Variants in ZDHHC14 observed in about 807,000 individuals in gnomAD.
ZDHHC14 encodes palmitoyltransferase ZDHHC14.
In ZDHHC14, 16 loss-of-function variants were observed where a neutral mutation model predicts 47.7. The observed-to-expected ratio is 0.34, with a 90% CI of 0.23 to 0.51. ZDHHC14 has a LOEUF of 0.51. Ranked by LOEUF, ZDHHC14 falls within the 20% of genes least tolerant of loss-of-function variation. ZDHHC14 has a pLI of 0.97. For synonymous variants in ZDHHC14, 293 were observed against 278.9 expected, an observed-to-expected ratio of 1.05 and a Z score of -0.50; for missense variants, 515 against 662.5, an observed-to-expected ratio of 0.78 and a Z score of 2.44.
At chr6:157,556,728 C>G (rs141857051) in intron 2 of ZDHHC14, among the ~76,000 whole-genome samples, 2,058 of 152,248 alleles carry the variant, frequency 0.014, 58 homozygotes, top group African/African-American at 0.046. Flanking sequence ...GGGGCTGGAA[C>G]AGGGGACACG....
intron 1 of ZDHHC14, among the ~76,000 whole-genome samples, chr6:157,423,241 C>T (rs1438495505): frequency 6.6e-6 from 1 of 152,174 alleles, no homozygotes. Context: ...ATGAATGAAG[C>T]CCCACTGGCC....
chr6:157,473,124 T>C (rs1186669176), intron 1 of ZDHHC14, among the ~76,000 whole-genome samples: 2 of 152,224 alleles, frequency 1.3e-5, no homozygotes, highest in African/African-American at 2.4e-5. Flanking sequence ...AATCAGACTA[T>C]TTAACACATA....
intron 8 of ZDHHC14, among the ~76,000 whole-genome samples, chr6:157,669,715 G>GGAT (rs1778707484): frequency 6.6e-6 from 1 of 152,256 alleles, no homozygotes; most frequent in South Asian, 2.1e-4. Flanking sequence ...GAAAGCATTA[G>GGAT]GATGAGTGAG....
At chr6:157,553,761 G>C (rs971976308) in intron 2 of ZDHHC14, among the ~76,000 whole-genome samples, 2 of 152,166 alleles carry the variant, frequency 1.3e-5, no homozygotes, top group African/African-American at 4.8e-5. Flanking sequence ...GTTTCTGGTA[G>C]ATAAGTTCTG....
chr6:157,506,052 A>G (rs927813756), intron 1 of ZDHHC14, among the ~76,000 whole-genome samples: 100 of 152,268 alleles, frequency 6.6e-4, no homozygotes, highest in African/African-American at 2.4e-3. Flanking sequence ...GGCACTGATC[A>G]TCCGTGGGAA....
At chr6:157,390,004 C>T (rs950076119) in intron 1 of ZDHHC14, among the ~76,000 whole-genome samples, 9 of 151,452 alleles carry the variant, frequency 5.9e-5, no homozygotes, top group Non-Finnish European at 1.3e-4. Context: ...ATGTATTTAC[C>T]GTTTCTGGTA....
intron 1 of ZDHHC14, among the ~76,000 whole-genome samples, chr6:157,444,406 G>A (rs924820308): frequency 6.6e-6 from 1 of 152,176 alleles, no homozygotes; most frequent in African/African-American, 2.4e-5. Context: ...GGCTGGGCAT[G>A]GTGGCTCACG....
intron 1 of ZDHHC14, among the ~76,000 whole-genome samples, chr6:157,514,185 CGT>C (rs1780595717): frequency 6.6e-6 from 1 of 152,170 alleles, no homozygotes; most frequent in African/African-American, 2.4e-5. Context: ...ATTGAAGGCA[CGT>C]GGGTATAAAT....
At chr6:157,416,264 G>T (rs1023475569) in intron 1 of ZDHHC14, among the ~76,000 whole-genome samples, 1 of 152,188 alleles carries the variant, frequency 6.6e-6, no homozygotes, top group Non-Finnish European at 1.5e-5. Flanking sequence ...TGATTTGAAT[G>T]AATTTCTAGG....
chr6:157,491,916 C>T (rs912170871), intron 1 of ZDHHC14, among the ~76,000 whole-genome samples: 2 of 152,220 alleles, frequency 1.3e-5, no homozygotes, highest in African/African-American at 2.4e-5. Flanking sequence ...ACGTCTTGTG[C>T]GGATTTGCCA....
rs1422201258 is a variant in ZDHHC14 at position 157,515,417 on chromosome 6, G to T, written c.246-27168G>T. Among the ~76,000 whole-genome samples the T allele has an allele frequency of 2.0e-5, 3 of 151,178 alleles. No homozygotes were observed. In the East Asian group the frequency reaches 5.8e-4, roughly 29 times the overall value. On this transcript the variant is annotated intron_variant, in intron 1 of 8. Transcript: ENST00000359775. ...GGGCTGATGCGAAATCACACACAAC[G>T]AACTGGGCGCACCCTTCATTTCTCT...
chr6:157,583,991 C>T (rs893567139), intron 2 of ZDHHC14, among the ~76,000 whole-genome samples: 89 of 151,772 alleles, frequency 5.9e-4, no homozygotes, highest in African/African-American at 1.8e-3. Flanking sequence ...GTGGGTGGGT[C>T]CCAGGGGAGA....
At chr6:157,511,906 T>C (rs752692394) in intron 1 of ZDHHC14, among the ~76,000 whole-genome samples, 3 of 152,168 alleles carry the variant, frequency 2.0e-5, no homozygotes, top group Non-Finnish European at 4.4e-5. Flanking sequence ...GCTGATGATA[T>C]TGATCACACT....
chr6:157,409,230 G>A (rs566128139), intron 1 of ZDHHC14, among the ~76,000 whole-genome samples: 5 of 152,322 alleles, frequency 3.3e-5, no homozygotes, highest in South Asian at 2.1e-4. Context: ...TTCTGCTTCC[G>A]CGTCCCAGGG....
At chr6:157,533,679 G>A (rs558958727) in intron 1 of ZDHHC14, among the ~76,000 whole-genome samples, 18 of 152,186 alleles carry the variant, frequency 1.2e-4, no homozygotes, top group Admixed American at 3.3e-4. Flanking sequence ...GAGGAGGGAC[G>A]TGCTCTGGCT....
At chr6:157,629,667 C>A (rs1250347008) in intron 4 of ZDHHC14, 6 of 152,304 alleles carry the variant, frequency 3.9e-5, no homozygotes, top group Non-Finnish European at 8.8e-5. Flanking sequence ...TATAATCTTT[C>A]ATCCAAACGT....
intron 1 of ZDHHC14, among the ~76,000 whole-genome samples, chr6:157,484,402 A>ATATACG (rs1475160094): frequency 9.6e-5 from 14 of 145,778 alleles, no homozygotes; most frequent in African/African-American, 3.3e-4. Flanking sequence ...ATATATACAT[A>ATATACG]TATATGTATA....
intron 3 of ZDHHC14, among the ~76,000 whole-genome samples, chr6:157,627,940 A>G (rs1785504602): frequency 6.6e-6 from 1 of 152,208 alleles, no homozygotes; most frequent in South Asian, 2.1e-4. Flanking sequence ...AATGCAGGTC[A>G]CTTGATCGAC....
intron 4 of ZDHHC14, chr6:157,630,208 G>A (rs1785620108): frequency 1.3e-5 from 2 of 151,984 alleles, no homozygotes; most frequent in Admixed American, 6.6e-5. Flanking sequence ...TCAAACTCCT[G>A]ACCTCAGGTG....
Sources: gnomAD v4.1 joint callset for allele counts (sites outside exome capture counted in the v4.1 genomes callset) on GRCh38, gnomAD v4.1.1 for gene constraint, MANE v1.5 for transcripts, NCBI Gene and HGNC (gene_info 2026-07-23, HGNC 2026-07-21) for gene names.